SPATA32: variants seen among roughly 807,000 people sequenced by gnomAD.
SPATA32 encodes the protein spermatogenesis associated 32.
Under a neutral mutation model 35.4 loss-of-function variants are expected in SPATA32, and 28 were observed. That is an observed-to-expected ratio of 0.79 (90% confidence interval 0.59 to 1.09). The LOEUF (loss-of-function observed/expected upper bound fraction) is 1.09. SPATA32 is among the 50% of genes least tolerant of loss of function. The probability of loss-of-function intolerance (pLI) is 0.00; values close to 1 mark genes in which losing one functional copy is unlikely to be tolerated. For missense variants in SPATA32, 409 were observed against 475.9 expected, an observed-to-expected ratio of 0.86 and a Z score of 1.31; for synonymous variants, 168 against 196.3, an observed-to-expected ratio of 0.86 and a Z score of 1.20.
intron 1 of SPATA32, among the ~76,000 whole-genome samples, chr17:45,259,380 C>A (rs949533433): frequency 6.6e-6 from 1 of 152,030 alleles, no homozygotes; most frequent in African/African-American, 2.4e-5. Flanking sequence ...AATGCTTTTT[C>A]TGCATTTATT....
chr17:45,255,213 G>T lies in SPATA32; in HGVS notation c.969C>A (p.Asp323Glu). The T allele has an allele frequency of 3.7e-6, 6 of 1,614,218 alleles. No homozygotes were observed. The highest frequency in any genetic ancestry group is 5.1e-6 in the Non-Finnish European group (6 of 1,180,052). ...CCCTCTTGATCCCCGGCTTGCTGAA[G>T]TCAAAGTAAGATTGAGCGAAGTTCT... The part of the protein sequence containing the change: ...EDKNFAQSYF[D>E]FSKPGIKRAT... The change falls in exon 4 of 5, where the codon GAC becomes GAA. Residue 323 changes from aspartate to glutamate, a missense_variant. Transcript: ENST00000331780. This position sits in a 1 kb window ranked among gnomAD's most constrained non-coding sequence, Gnocchi z 5.4.
chr17:45,258,875 A>T lies in SPATA32; in HGVS notation c.14-1668T>A, dbSNP rs113225116. ...GATCTCAAACTCCTGGCCTCAAATGATCTGCCTGCCTCGGCCTCCCAAAGT... is the reference window on the plus strand; with the variant it reads ...GATCTCAAACTCCTGGCCTCAAATGTTCTGCCTGCCTCGGCCTCCCAAAGT... On this transcript the variant is annotated intron_variant, in intron 1 of 4. Coordinates refer to ENST00000331780, the MANE Select transcript of SPATA32 (RefSeq NM_152343.3). Among the ~76,000 whole-genome samples the T allele has an allele frequency of 2.5e-3, 387 of 152,280 alleles. 1 individual carries two copies. Among genetic ancestry groups the T allele is most frequent in the Middle Eastern group, 0.024 (7 of 294 alleles).
At position 45,256,477 on chromosome 17, in the gene SPATA32, T is replaced by C; in HGVS notation, c.69-62A>G. On this transcript the variant is annotated intron_variant, in intron 2 of 4. Transcript: ENST00000331780. This position sits in a 1 kb window ranked among gnomAD's most constrained non-coding sequence, Gnocchi z 4.7. ...TGTGGGGCTTCAGCGGGAAGGGGGT[T>C]TCTGGGGCCCTCAAAGCCCTCTGCC... The C allele has an allele frequency of 1.4e-6, 2 of 1,471,724 alleles. No homozygotes were observed. Among genetic ancestry groups the C allele is most frequent in the Non-Finnish European group, 9.5e-7 (1 of 1,050,172 alleles). 91.2% of individuals were successfully genotyped at this position (1,471,724 alleles called of 1,614,324 possible). A position where few individuals can be genotyped will look rare whatever the true frequency, so the allele number is the denominator to read the frequency against.
In SPATA32 at chr17:45,256,617, CTT is replaced by C. The variant is rs562112977; in HGVS notation, c.69-204_69-203del. Among the ~76,000 whole-genome samples, 1,533 of 152,278 alleles carry C rather than the reference CTT, an allele frequency of 0.01. 25 individuals carry two copies. The highest frequency in any genetic ancestry group is 0.035 in the African/African-American group (1,443 of 41,540). On this transcript the variant is annotated intron_variant, in intron 2 of 4. Transcript: ENST00000331780. This position sits in a 1 kb window ranked among gnomAD's most constrained non-coding sequence, Gnocchi z 4.7. Reference sequence around the variant, plus strand: ...GGAAGTCTGCGGTTGTATTCTGAAACTTTAGTGAGTTTAGGAAGCTGCTTGCC... The same window carrying C: ...GGAAGTCTGCGGTTGTATTCTGAAACTAGTGAGTTTAGGAAGCTGCTTGCC...
At position 45,255,048 on chromosome 17, in the gene SPATA32, G is replaced by A. The variant is rs946601806; in HGVS notation, c.1067+67C>T. 11 of 1,488,778 alleles carry A rather than the reference G, an allele frequency of 7.4e-6. No individual in the cohort carries two copies. Among genetic ancestry groups the A allele is most frequent in the Non-Finnish European group, 1.0e-5 (11 of 1,079,018 alleles). 92.2% of individuals were successfully genotyped at this position (1,488,778 alleles called of 1,614,324 possible). ...CACTGTTCCCCACCCCTACCCAGCT[G>A]TGTGAGGACCCCTGCCACGTTCTAG... On this transcript the variant is annotated intron_variant, in intron 4 of 4. Transcript: ENST00000331780. The surrounding 1 kb of genome is among the most constrained non-coding windows in gnomAD (Gnocchi z 5.4).
intron 1 of SPATA32, 126 bp from the exon 2 acceptor site, chr17:45,257,333 G>T: frequency 9.8e-7 from 1 of 1,024,026 alleles, no homozygotes; most frequent in Non-Finnish European, 1.5e-6. Context: ...CCCCCTCACC[G>T]TCCTGCCCCG....
rs2043957683 is a variant in SPATA32, at chr17:45,256,381, G to A, written c.103C>T (p.Gln35Ter). The A allele has an allele frequency of 6.2e-7, 1 of 1,612,246 alleles. No individual in the cohort carries two copies. Among genetic ancestry groups the A allele is most frequent in the Non-Finnish European group, 8.5e-7 (1 of 1,178,630 alleles). The stretch of plus-strand genomic sequence containing the variant: ...GAGGACACTCCCATTTTTACCTCCT[G>A]TTCCTCTTGTATCTGGTGTTGACTT... ...DLSQHQIQEE[Q>*]ELEADMLEQK... The change falls in exon 3 of 5, where the codon CAG becomes TAG. Residue 35 changes from glutamine to a stop codon, truncating the protein, a stop_gained. Coordinates refer to ENST00000331780, the MANE Select transcript of SPATA32 (RefSeq NM_152343.3). LOFTEE classifies it high-confidence loss of function. This position sits in a 1 kb window ranked among gnomAD's most constrained non-coding sequence, Gnocchi z 4.7.
chr17:45,255,204 C>T lies in SPATA32; in HGVS notation c.978G>A (p.Lys326=). 1 of 1,614,226 alleles carries T rather than the reference C, an allele frequency of 6.2e-7. No individual in the cohort carries two copies. Among genetic ancestry groups the T allele is most frequent in the South Asian group, 1.1e-5 (1 of 91,090 alleles). ...TGATGGTGGCCCTCTTGATCCCCGG[C>T]TTGCTGAAGTCAAAGTAAGATTGAG... The part of the protein sequence containing the change: ...NFAQSYFDFS[K]PGIKRATIKG... Residue 326 remains lysine (K), a synonymous_variant, in exon 4 of 5, where the codon AAG becomes AAA. Coordinates refer to ENST00000331780, the MANE Select transcript of SPATA32 (RefSeq NM_152343.3). This position sits in a 1 kb window ranked among gnomAD's most constrained non-coding sequence, Gnocchi z 5.4.
At chr17:45,257,055 G>A in intron 2 of SPATA32, 98 bp downstream of exon 2, 1 of 1,385,568 alleles carries the variant, frequency 7.2e-7, no homozygotes, top group Non-Finnish European at 1.0e-6. Flanking sequence ...TGGCAGAAGG[G>A]AGGGAGATCC....
chr17:45,261,095 G>GTTTTTTTTTTTTTTTTTT (rs386386165), intron 1 of SPATA32: 1 of 92,770 alleles, frequency 1.1e-5, no homozygotes. Context: ...CCGACCTCTG[G>GTTTTTTTTTTTTTTTTTT]TTTTTTTTTT....
At chr17:45,257,347 T>G in intron 1 of SPATA32, 140 bp from the exon 2 acceptor site, 1 of 935,422 alleles carries the variant, frequency 1.1e-6, no homozygotes, top group Non-Finnish European at 1.6e-6. Context: ...TGCCCCGCTC[T>G]CCTTGTTCCC....
rs756422990 is a variant in SPATA32 at position 45,255,532 on chromosome 17, G to C, written c.650C>G (p.Pro217Arg). Residue 217 changes from proline to arginine, a missense_variant, in exon 4 of 5, where the codon CCA (proline) becomes CGA (arginine). Transcript: ENST00000331780. This position sits in a 1 kb window ranked among gnomAD's most constrained non-coding sequence, Gnocchi z 5.4. ...GCTTGGTGCCTGGGAGCTTGTGGTT[G>C]GAGGAGCTGAGTGGGCATCAGGGAT... ...LQIPDAHSAP[P>R]TTSSQAPSPL... The C allele has an allele frequency of 6.2e-7, 1 of 1,614,122 alleles. No homozygotes were observed. Among genetic ancestry groups the C allele is most frequent in the Non-Finnish European group, 8.5e-7 (1 of 1,180,008 alleles).
At chr17:45,258,574 G>A (rs762248363) in intron 1 of SPATA32, among the ~76,000 whole-genome samples, 6 of 152,166 alleles carry the variant, frequency 3.9e-5, no homozygotes, top group East Asian at 1.9e-4. Flanking sequence ...TTGGGACCTC[G>A]TTGCCTGACT....
chr17:45,254,546 C>A, intron 4 of SPATA32, 33 bp from the exon 5 acceptor site: 2 of 1,609,600 alleles, frequency 1.2e-6, no homozygotes, highest in South Asian at 2.2e-5. Context: ...TCACTTGGGC[C>A]CCAGAGGGTG....
At position 45,256,468 on chromosome 17, in the gene SPATA32, G is replaced by A. The variant is rs1010715151; in HGVS notation, c.69-53C>T. Reference sequence around the variant, plus strand: ...ATGGGGATCTGTGGGGCTTCAGCGGGAAGGGGGTTTCTGGGGCCCTCAAAG... The same window carrying A: ...ATGGGGATCTGTGGGGCTTCAGCGGAAAGGGGGTTTCTGGGGCCCTCAAAG... On this transcript the variant is annotated intron_variant, in intron 2 of 4. Coordinates refer to ENST00000331780, the MANE Select transcript of SPATA32 (RefSeq NM_152343.3). The surrounding 1 kb of genome is among the most constrained non-coding windows in gnomAD (Gnocchi z 4.7). The A allele has an allele frequency of 7.7e-6, 12 of 1,548,634 alleles. No homozygotes were observed. The highest frequency in any genetic ancestry group is 2.2e-5 in the South Asian group (2 of 89,750).
In SPATA32 at chr17:45,255,702, T is replaced by C. The variant is rs757243798; in HGVS notation, c.480A>G (p.Ala160=). The change falls in exon 4 of 5, where the codon GCA becomes GCG. Residue 160 remains alanine (A), a synonymous_variant. Transcript: ENST00000331780. This position sits in a 1 kb window ranked among gnomAD's most constrained non-coding sequence, Gnocchi z 5.4. The stretch of plus-strand genomic sequence containing the variant: ...GCTCTGAGGCCTGGATGAGCTTGTT[T>C]GCCCAGAAGAGGTGCTTGGAGGTCT... ...SAQTSKHLFW[A]NKLIQASEHS... 2 of 1,614,132 alleles carry C rather than the reference T, an allele frequency of 1.2e-6. No homozygotes were observed. The highest frequency in any genetic ancestry group is 1.7e-6 in the Non-Finnish European group (2 of 1,180,028).
chr17:45,254,523 AAAAGAG>A lies in SPATA32; in HGVS notation c.1068-16_1068-11del. 1.2e-6 allele frequency: 2 copies of A among 1,613,838 alleles called. No homozygotes were observed. Among genetic ancestry groups the A allele is most frequent in the Non-Finnish European group, 1.7e-6 (2 of 1,179,778 alleles). ...TCCTGGCGGCACTGAGCTGCAACAC[AAAAGAG>A]AGAGTGTCACTTGGGCCCCAGAGGG... is the stretch of plus-strand genomic sequence containing the variant. On this transcript the variant is annotated splice_polypyrimidine_tract_variant and intron_variant, in intron 4 of 4. Coordinates refer to ENST00000331780, the MANE Select transcript of SPATA32 (RefSeq NM_152343.3).
Position 45,255,971 on chromosome 17 carries a change from C to A in SPATA32, c.211G>T (p.Ala71Ser), listed in dbSNP as rs777223274. 1 of 1,614,118 alleles carries A rather than the reference C, an allele frequency of 6.2e-7. No individual in the cohort carries two copies. The highest frequency in any genetic ancestry group is 8.5e-7 in the Non-Finnish European group (1 of 1,180,028). ...GGGTATAGCTCTGACTCCAGTAAAGCCGGCACCTGTCCGATCTCCAGTTCT... is the reference window on the plus strand; with the variant it reads ...GGGTATAGCTCTGACTCCAGTAAAGACGGCACCTGTCCGATCTCCAGTTCT... ...DPELEIGQVP[A>S]LLESELYPAL... The change falls in exon 4 of 5, where the codon GCT (alanine) becomes TCT (serine). Residue 71 changes from alanine to serine, a missense_variant. By Grantham distance (99) the Ala-to-Ser change is moderately conservative. Transcript: ENST00000331780. The surrounding 1 kb of genome is among the most constrained non-coding windows in gnomAD (Gnocchi z 5.4).
rs2043946135 is a variant in SPATA32 at position 45,255,377 on chromosome 17, G to C, written c.805C>G (p.Pro269Ala). Residue 269 changes from proline to alanine, a missense_variant, in exon 4 of 5, where the codon CCC becomes GCC. Physicochemically the swap from Pro to Ala is conservative, Grantham distance 27. Transcript: ENST00000331780. The surrounding 1 kb of genome is among the most constrained non-coding windows in gnomAD (Gnocchi z 5.4). ...GTGGAAGGCTCCAGAGCCTCCTGGG[G>C]TGGAGCTTTCATCATGTGTTCCAAA... ...PSLEHMMKAP[P>A]QEALEPSTEP... The C allele has an allele frequency of 6.2e-7, 1 of 1,614,204 alleles. No individual in the cohort carries two copies. Among genetic ancestry groups the C allele is most frequent in the Non-Finnish European group, 8.5e-7 (1 of 1,180,032 alleles).
Sources: gnomAD v4.1 joint callset for allele counts (sites outside exome capture counted in the v4.1 genomes callset) on GRCh38, gnomAD v4.1.1 for gene constraint, Gnocchi (gnomAD v3.1) non-coding constraint, MANE v1.5 for transcripts, NCBI Gene and HGNC (gene_info 2026-07-23, HGNC 2026-07-21) for gene names.